Variants in TRIM54 observed in about 807,000 individuals in gnomAD.
The protein encoded by TRIM54 is tripartite motif-containing protein 54.
In TRIM54, 40 loss-of-function variants were observed where a neutral mutation model predicts 42.0. The observed-to-expected ratio is 0.95, with a 90% CI of 0.74 to 1.24. The LOEUF is 1.24. TRIM54 is among the 50% of genes most tolerant of loss of function. The pLI, the probability that TRIM54 is intolerant of heterozygous loss-of-function variation, is 0.00. For missense variants in TRIM54, 485 were observed against 480.3 expected (o/e 1.01, Z -0.09); for synonymous variants, 199 against 194.9 (o/e 1.02, Z -0.17).
chr2:27,286,079 C>G (rs1005096345), intron 1 of TRIM54, among the ~76,000 whole-genome samples: 2 of 152,030 alleles, frequency 1.3e-5, no homozygotes, highest in African/African-American at 4.8e-5. Context: ...AAAGAAAATA[C>G]TGTTAGTTGA....
In TRIM54 at chr2:27,305,394, A is replaced by T; in HGVS notation, c.610-190A>T. 3.3e-6 allele frequency: 2 copies of T among 602,686 alleles called. 1 individual carries two copies. Among genetic ancestry groups the T allele is most frequent in the South Asian group, 4.1e-5 (2 of 49,064 alleles). 37.3% of individuals were successfully genotyped at this position (602,686 alleles called of 1,614,324 possible). A position where few individuals can be genotyped will look rare whatever the true frequency, so the allele number is the denominator to read the frequency against. ...AGGGCTAGGGATATAGACAGCAATCAGTGAAGCTACTTTAAAGCATTGTGT... is the reference window on the plus strand; with the variant it reads ...AGGGCTAGGGATATAGACAGCAATCTGTGAAGCTACTTTAAAGCATTGTGT... On this transcript the variant is annotated intron_variant, in intron 4 of 8. Coordinates refer to ENST00000380075, the MANE Select transcript of TRIM54 (RefSeq NM_187841.3).
At chr2:27,299,771 T>G (rs1678979989) in intron 3 of TRIM54, 2 of 578,014 alleles carry the variant, frequency 3.5e-6, no homozygotes, top group Non-Finnish European at 6.1e-6. Context: ...AGTGGTGCAG[T>G]CTTGGCTCAC....
rs1156810544 is a variant in TRIM54, at chr2:27,306,212, G to C, written c.867-1G>C. Reference sequence around the variant, plus strand: ...CAGCTGAGTCCGTGTGGCCACTGCAGGGTCGGGGCCATGTCGAAGGTGGAG... The same window carrying C: ...CAGCTGAGTCCGTGTGGCCACTGCACGGTCGGGGCCATGTCGAAGGTGGAG... On this transcript the variant is annotated splice_acceptor_variant, in intron 6 of 8. Coordinates refer to ENST00000380075, the MANE Select transcript of TRIM54 (RefSeq NM_187841.3). LOFTEE classifies it high-confidence loss of function. This position sits in a 1 kb window ranked among gnomAD's most constrained non-coding sequence, Gnocchi z 6.1. 6.2e-7 allele frequency: 1 copy of C among 1,613,968 alleles called. No individual in the cohort carries two copies. Among genetic ancestry groups the C allele is most frequent in the Admixed American group, 1.7e-5 (1 of 60,014 alleles).
Position 27,307,137 on chromosome 2 carries a change from G to T in TRIM54, c.*252G>T. On this transcript the variant is annotated 3_prime_UTR_variant, in exon 9 of 9. Transcript: ENST00000380075. The surrounding 1 kb of genome is among the most constrained non-coding windows in gnomAD (Gnocchi z 6.9). ...GCGGAAGCCAAATGAACCCCTATTG[G>T]GCACCTCTGTGATGCCAGGAGCGAA... 3.4e-6 allele frequency: 1 copy of T among 291,874 alleles called. No individual in the cohort carries two copies. The allele number at this position is 291,874 out of a possible 1,614,324, so 18.1% of individuals were successfully genotyped here.
In TRIM54 at chr2:27,306,451, C is replaced by T; in HGVS notation, c.992-5C>T. The T allele has an allele frequency of 1.2e-6, 2 of 1,601,338 alleles. No homozygotes were observed. The highest frequency in any genetic ancestry group is 1.7e-6 in the Non-Finnish European group (2 of 1,173,872). Reference sequence around the variant, plus strand: ...TCCACCTCACCAGGCCTTCCTTGGGCTCAGGCGCTTCCGGGGAGGAAGAGG... The same window carrying T: ...TCCACCTCACCAGGCCTTCCTTGGGTTCAGGCGCTTCCGGGGAGGAAGAGG... On this transcript the variant is annotated splice_polypyrimidine_tract_variant and splice_region_variant and intron_variant, in intron 7 of 8. Coordinates refer to ENST00000380075, the MANE Select transcript of TRIM54 (RefSeq NM_187841.3). The surrounding 1 kb of genome is among the most constrained non-coding windows in gnomAD (Gnocchi z 6.1).
intron 3 of TRIM54, chr2:27,299,736 C>T (rs573032809): frequency 5.6e-5 from 34 of 607,084 alleles, no homozygotes; most frequent in East Asian, 4.1e-4. Flanking sequence ...GATGGAGTCT[C>T]GCTCTGTCGC....
chr2:27,286,864 T>C (rs1678581827), intron 1 of TRIM54, among the ~76,000 whole-genome samples: 1 of 152,174 alleles, frequency 6.6e-6, no homozygotes, highest in Non-Finnish European at 1.5e-5. Flanking sequence ...TGTCATCAGG[T>C]ACAGGCCTGC....
intron 1 of TRIM54, among the ~76,000 whole-genome samples, chr2:27,296,802 A>C (rs1335541083): frequency 6.6e-6 from 1 of 152,166 alleles, no homozygotes; most frequent in Non-Finnish European, 1.5e-5. Context: ...TCTGTTGCCC[A>C]GGCTGGAGTG....
intron 1 of TRIM54, among the ~76,000 whole-genome samples, chr2:27,288,661 A>G (rs1678640815): frequency 6.6e-6 from 1 of 152,240 alleles, no homozygotes; most frequent in Admixed American, 6.5e-5. Flanking sequence ...AGTGCCTTAT[A>G]ATTTATAGAA....
Position 27,307,337 on chromosome 2 carries a change from GCC to G in TRIM54, c.*455_*456del. 1 of 1,072,166 alleles carries G rather than the reference GCC, an allele frequency of 9.3e-7. No homozygotes were observed. Among genetic ancestry groups the G allele is most frequent in the East Asian group, 2.9e-5 (1 of 35,032 alleles). The allele number at this position is 1,072,166 out of a possible 1,614,324, so 66.4% of individuals were successfully genotyped here. A position where few individuals can be genotyped will look rare whatever the true frequency, so the allele number is the denominator to read the frequency against. On this transcript the variant is annotated 3_prime_UTR_variant, in exon 9 of 9. Coordinates refer to ENST00000380075, the MANE Select transcript of TRIM54 (RefSeq NM_187841.3). This position sits in a 1 kb window ranked among gnomAD's most constrained non-coding sequence, Gnocchi z 6.9. ...TTGTTCCCCTCCCGCTGGCCCGGGG[GCC>G]CCACCTTCCCACGGGTTCCCACGCT... is the stretch of plus-strand genomic sequence containing the variant.
chr2:27,298,717 A>C lies in TRIM54; in HGVS notation c.319A>C (p.Ile107Leu), dbSNP rs778013894. 2 of 1,614,058 alleles carry C rather than the reference A, an allele frequency of 1.2e-6. No homozygotes were observed. Among genetic ancestry groups the C allele is most frequent in the Middle Eastern group, 1.7e-4 (1 of 6,060 alleles). ...CCTGCTAGTGGAGAACATTATCGAC[A>C]TTTACAAGCAGGAGTCATCCAGGTG... ...RNLLVENIID[I>L]YKQESSRPLH... Residue 107 changes from isoleucine (I) to leucine (L), a missense_variant, in exon 2 of 9, where the codon ATT becomes CTT. Coordinates refer to ENST00000380075, the MANE Select transcript of TRIM54 (RefSeq NM_187841.3).
chr2:27,298,701 G>A lies in TRIM54; in HGVS notation c.303G>A (p.Val101=). The part of the protein sequence containing the change: ...GVYGLQRNLL[V]ENIIDIYKQE... ...ACGGCCTGCAGCGAAACCTGCTAGT[G>A]GAGAACATTATCGACATTTACAAGC... The change falls in exon 2 of 9, where the codon GTG becomes GTA. Residue 101 remains valine, a synonymous_variant. Transcript: ENST00000380075. 6.2e-7 allele frequency: 1 copy of A among 1,614,164 alleles called. No homozygotes were observed. The highest frequency in any genetic ancestry group is 1.6e-4 in the Middle Eastern group (1 of 6,062).
Position 27,307,348 on chromosome 2 carries a change from C to T in TRIM54, c.*463C>T, listed in dbSNP as rs1048767081. On this transcript the variant is annotated 3_prime_UTR_variant, in exon 9 of 9. Transcript: ENST00000380075. The surrounding 1 kb of genome is among the most constrained non-coding windows in gnomAD (Gnocchi z 6.9). ...CCGCTGGCCCGGGGGCCCCACCTTC[C>T]CACGGGTTCCCACGCTGCTGTGACT... 1 of 1,208,500 alleles carries T rather than the reference C, an allele frequency of 8.3e-7. No homozygotes were observed. The highest frequency in any genetic ancestry group is 1.6e-5 in the African/African-American group (1 of 63,564). 74.9% of individuals were successfully genotyped at this position (1,208,500 alleles called of 1,614,324 possible).
chr2:27,282,876 A>G lies in TRIM54; in HGVS notation c.145A>G (p.Lys49Glu). 1 of 1,613,396 alleles carries G rather than the reference A, an allele frequency of 6.2e-7. No individual in the cohort carries two copies. The highest frequency in any genetic ancestry group is 8.5e-7 in the Non-Finnish European group (1 of 1,179,610). ...ILPCQHNLCR[K>E]CANDVFQASN... is the part of the protein sequence containing the mutation. ...GCCCTGCCAACACAACCTGTGCCGC[A>G]AATGTGCCAACGACGTCTTCCAGGT... The change falls in exon 1 of 9, where the codon AAA becomes GAA. Residue 49 changes from lysine to glutamate, a missense_variant. Lys to Glu is a moderately conservative substitution (Grantham distance 56). Coordinates refer to ENST00000380075, the MANE Select transcript of TRIM54 (RefSeq NM_187841.3).
chr2:27,303,234 C>T (rs1041004805), intron 3 of TRIM54, among the ~76,000 whole-genome samples: 6 of 152,044 alleles, frequency 3.9e-5, no homozygotes, highest in African/African-American at 1.4e-4. Context: ...CTCCAAACCC[C>T]TAAAAGGAGG....
intron 1 of TRIM54, among the ~76,000 whole-genome samples, chr2:27,286,081 G>A (rs528447540): frequency 1.3e-5 from 2 of 151,962 alleles, no homozygotes; most frequent in Non-Finnish European, 2.9e-5. Flanking sequence ...AGAAAATACT[G>A]TTAGTTGAAC....
At chr2:27,305,098 C>G (rs199925654) in intron 4 of TRIM54, 44 bp downstream of exon 4, 6 of 1,546,442 alleles carry the variant, frequency 3.9e-6, no homozygotes, top group Non-Finnish European at 5.3e-6. Flanking sequence ...ACTGGCTAGC[C>G]TGCGGACCCC....
At position 27,306,656 on chromosome 2, in the gene TRIM54, T is replaced by G; in HGVS notation, c.*1+114T>G. 1 of 1,143,390 alleles carries G rather than the reference T, an allele frequency of 8.7e-7. No individual in the cohort carries two copies. Among genetic ancestry groups the G allele is most frequent in the Non-Finnish European group, 1.2e-6 (1 of 821,330 alleles). The allele number at this position is 1,143,390 out of a possible 1,614,324, so 70.8% of individuals were successfully genotyped here. ...GTGATTGCCCTCCCTGCGGGTAGCG[T>G]GGAGCCCCCACTCCTCGGTGCAACC... On this transcript the variant is annotated intron_variant, in intron 8 of 8. Transcript: ENST00000380075. The surrounding 1 kb of genome is among the most constrained non-coding windows in gnomAD (Gnocchi z 6.1).
intron 1 of TRIM54, among the ~76,000 whole-genome samples, chr2:27,283,764 G>GCACACACGCACGCGCGCGCACACA (rs1558580798): frequency 8.5e-6 from 1 of 117,866 alleles, no homozygotes; most frequent in African/African-American, 3.4e-5. Flanking sequence ...AGGGGCAAAG[G>GCACACACGCACGCGCGCGCACACA]CACACACACA....
Sources: allele counts gnomAD v4.1 joint callset (sites outside exome capture counted in the v4.1 genomes callset), GRCh38; gene constraint gnomAD v4.1.1; non-coding constraint Gnocchi (gnomAD v3.1); transcripts MANE v1.5; gene names NCBI Gene and HGNC (gene_info 2026-07-23, HGNC 2026-07-21).